Variants in JARID2 observed in about 807,000 individuals in gnomAD.
JARID2 encodes the protein protein Jumonji.
A neutral mutation model predicts 125.6 loss-of-function variants in JARID2; 21 were observed. The observed-to-expected ratio is 0.17, with a 90% confidence interval of 0.12 to 0.24. The LOEUF is 0.24. Among genes scored for constraint, JARID2 ranks in the 10% least tolerant of loss-of-function variants. JARID2 has a pLI of 1.00. For missense variants in JARID2, 1,303 were observed against 1,639.6 expected (o/e 0.79, Z 3.55); for synonymous variants, 736 against 661.6 (o/e 1.11, Z -1.73).
intron 1 of JARID2, among the ~76,000 whole-genome samples, chr6:15,271,533 G>A (rs1760295164): frequency 6.6e-6 from 1 of 152,228 alleles, no homozygotes; most frequent in Non-Finnish European, 1.5e-5. Context: ...ATCCAGGCCT[G>A]ATGTGGTGGC....
At chr6:15,345,345 T>G (rs564649812) in intron 1 of JARID2, among the ~76,000 whole-genome samples, 1 of 152,186 alleles carries the variant, frequency 6.6e-6, no homozygotes, top group African/African-American at 2.4e-5. Flanking sequence ...AACTCTGATA[T>G]GGAAACCTGG....
At chr6:15,360,442 G>A (rs1019768647) in intron 1 of JARID2, among the ~76,000 whole-genome samples, 4 of 151,924 alleles carry the variant, frequency 2.6e-5, no homozygotes, top group African/African-American at 4.8e-5. Context: ...CTCGGCCTCC[G>A]AAAGTCCTGG....
intron 3 of JARID2, among the ~76,000 whole-genome samples, chr6:15,451,308 A>G (rs763819508): frequency 6.6e-6 from 1 of 152,238 alleles, no homozygotes; most frequent in Non-Finnish European, 1.5e-5. Context: ...AATGGGAAAG[A>G]AGCCTGAAGA....
chr6:15,251,264 C>T (rs1446214755), intron 1 of JARID2, among the ~76,000 whole-genome samples: 1 of 152,230 alleles, frequency 6.6e-6, no homozygotes, highest in Non-Finnish European at 1.5e-5. Context: ...GATCTGCCCG[C>T]CTTGGCCTCC....
intron 1 of JARID2, among the ~76,000 whole-genome samples, chr6:15,269,777 A>C (rs185701329): frequency 2.6e-5 from 4 of 152,126 alleles, no homozygotes; most frequent in African/African-American, 9.7e-5. Flanking sequence ...GTATGTCTGC[A>C]GTGTTTTTAC....
intron 1 of JARID2, among the ~76,000 whole-genome samples, chr6:15,260,842 C>T (rs1049974091): frequency 1.3e-5 from 2 of 152,210 alleles, no homozygotes; most frequent in Non-Finnish European, 2.9e-5. Flanking sequence ...CTTCTTTCTT[C>T]TAAATGTACT....
At chr6:15,382,278 A>T (rs190633969) in intron 2 of JARID2, among the ~76,000 whole-genome samples, 1 of 152,202 alleles carries the variant, frequency 6.6e-6, no homozygotes, top group East Asian at 1.9e-4. Flanking sequence ...AGAACCAAAA[A>T]CCCCAAACGA....
At chr6:15,414,161 C>CACA (rs1440250911) in intron 3 of JARID2, among the ~76,000 whole-genome samples, 1 of 152,024 alleles carries the variant, frequency 6.6e-6, no homozygotes, top group Admixed American at 6.6e-5. Context: ...ATTGTATGTG[C>CACA]TTGACTTCCT....
chr6:15,432,743 T>C (rs1434251784), intron 3 of JARID2, among the ~76,000 whole-genome samples: 5 of 152,230 alleles, frequency 3.3e-5, no homozygotes, highest in Non-Finnish European at 7.3e-5. Flanking sequence ...GCTCCTTCCC[T>C]CCAGACCCTG....
At chr6:15,266,055 G>A (rs1461342372) in intron 1 of JARID2, among the ~76,000 whole-genome samples, 1 of 152,150 alleles carries the variant, frequency 6.6e-6, no homozygotes, top group Non-Finnish European at 1.5e-5. Flanking sequence ...GAGGCTTAGT[G>A]TCTCCAAATT....
At chr6:15,315,238 A>G (rs1762140095) in intron 1 of JARID2, among the ~76,000 whole-genome samples, 1 of 152,184 alleles carries the variant, frequency 6.6e-6, no homozygotes, top group East Asian at 1.9e-4. Context: ...TGCCAGAAAG[A>G]AGAGTTTAGA....
chr6:15,435,843 T>G (rs1767177664), intron 3 of JARID2, among the ~76,000 whole-genome samples: 1 of 152,052 alleles, frequency 6.6e-6, no homozygotes, highest in Non-Finnish European at 1.5e-5. Flanking sequence ...TTTTTAAACT[T>G]TGAACTTCAG....
intron 1 of JARID2, among the ~76,000 whole-genome samples, chr6:15,320,667 C>G (rs1398634889): frequency 1.3e-5 from 2 of 152,054 alleles, no homozygotes; most frequent in Non-Finnish European, 2.9e-5. Context: ...AGGGATCCTT[C>G]TTTAGTAGCT....
chr6:15,420,186 C>A (rs1561851000), intron 3 of JARID2, among the ~76,000 whole-genome samples: 1 of 152,122 alleles, frequency 6.6e-6, no homozygotes, highest in Non-Finnish European at 1.5e-5. Flanking sequence ...GGGTGGATCA[C>A]CAGGTCAGGA....
At chr6:15,383,410 C>A (rs1764666309) in intron 2 of JARID2, among the ~76,000 whole-genome samples, 1 of 151,568 alleles carries the variant, frequency 6.6e-6, no homozygotes, top group African/African-American at 2.4e-5. Context: ...GGAAATTATC[C>A]CTCCTTCATC....
chr6:15,365,584 T>C (rs1763946863), intron 1 of JARID2, among the ~76,000 whole-genome samples: 1 of 152,072 alleles, frequency 6.6e-6, no homozygotes, highest in Non-Finnish European at 1.5e-5. Context: ...AATAAATCGT[T>C]TTCAGCAGAA....
At chr6:15,422,849 A>G (rs1766559257) in intron 3 of JARID2, among the ~76,000 whole-genome samples, 1 of 152,176 alleles carries the variant, frequency 6.6e-6, no homozygotes, top group South Asian at 2.1e-4. Context: ...TTATAAAACA[A>G]TCTTTTGTAT....
At chr6:15,392,498 G>T (rs1299506712) in intron 2 of JARID2, among the ~76,000 whole-genome samples, 1 of 152,052 alleles carries the variant, frequency 6.6e-6, no homozygotes, top group East Asian at 1.9e-4. Context: ...AACAGGGGAC[G>T]ACAGAGGGAT....
chr6:15,357,390 T>C (rs1763639311), intron 1 of JARID2, among the ~76,000 whole-genome samples: 1 of 152,222 alleles, frequency 6.6e-6, no homozygotes, highest in African/African-American at 2.4e-5. Context: ...CTGAATTCAT[T>C]CTTAGTCTTT....
Sources: gnomAD v4.1 joint callset for allele counts (sites outside exome capture counted in the v4.1 genomes callset) on GRCh38, gnomAD v4.1.1 for gene constraint, MANE v1.5 for transcripts, NCBI Gene and HGNC (gene_info 2026-07-23, HGNC 2026-07-21) for gene names.